Variants in NFIA observed in about 807,000 individuals in gnomAD.
NFIA encodes nuclear factor I A.
NFIA carries 8 observed loss-of-function variants against 62.8 expected under a neutral mutation model. That is an observed-to-expected ratio of 0.13 (90% CI 0.07 to 0.23). The LOEUF (loss-of-function observed/expected upper bound fraction) is 0.23, where lower values mean the gene tolerates loss of function less well. Among genes scored for constraint, NFIA ranks in the 10% least tolerant of loss-of-function variants. The pLI, the probability that NFIA is intolerant of heterozygous loss-of-function variation, is 1.00. For missense variants in NFIA, 410 were observed against 642.1 expected, an observed-to-expected ratio of 0.64 and a Z score of 3.91; for synonymous variants, 235 against 238.1, an observed-to-expected ratio of 0.99 and a Z score of 0.12.
At chr1:61,331,391 T>C (rs1661291217) in intron 3 of NFIA, among the ~76,000 whole-genome samples, 1 of 152,220 alleles carries the variant, frequency 6.6e-6, no homozygotes, top group Admixed American at 6.5e-5. Context: ...AGTAAATTTA[T>C]TGGTGGATAT....
intron 2 of NFIA, among the ~76,000 whole-genome samples, chr1:61,139,995 C>A (rs1389312563): frequency 1.3e-5 from 2 of 151,626 alleles, no homozygotes; most frequent in East Asian, 3.9e-4. Context: ...TGGTAGAAAT[C>A]CAGACATTGG....
At chr1:61,267,892 G>T (rs902771857) in intron 2 of NFIA, among the ~76,000 whole-genome samples, 1 of 152,246 alleles carries the variant, frequency 6.6e-6, no homozygotes, top group South Asian at 2.1e-4. Context: ...GGTATACAGG[G>T]TGAAAGGCAC....
At chr1:61,374,999 C>T (rs539560484) in intron 6 of NFIA, among the ~76,000 whole-genome samples, 3 of 152,188 alleles carry the variant, frequency 2.0e-5, no homozygotes, top group Admixed American at 6.5e-5. Flanking sequence ...GTGTCTTCAA[C>T]GACCTCCTTG....
intron 6 of NFIA, among the ~76,000 whole-genome samples, chr1:61,374,855 A>G (rs925469738): frequency 7.9e-5 from 12 of 152,204 alleles, no homozygotes; most frequent in Non-Finnish European, 1.3e-4. Flanking sequence ...AAACATTTTT[A>G]TTGACTGAAA....
chr1:61,251,275 A>G (rs574911166), intron 2 of NFIA: 1 of 152,322 alleles, frequency 6.6e-6, no homozygotes, highest in African/African-American at 2.4e-5. Context: ...TACTACGTAC[A>G]TACACACACC....
intron 3 of NFIA, among the ~76,000 whole-genome samples, chr1:61,316,233 G>T (rs2782543): frequency 0.52 from 78,585 of 151,974 alleles, 22,570 homozygotes; most frequent in South Asian, 0.69. Context: ...TTGGGTAAGG[G>T]TGAGGAGTAG....
intron 1 of NFIA, 141 bp downstream of exon 1, chr1:61,082,959 T>G: frequency 2.9e-6 from 1 of 341,382 alleles, no homozygotes; most frequent in Non-Finnish European, 4.1e-6. Flanking sequence ...TGCGCGTGTT[T>G]CTGTGTGTGT....
chr1:61,406,061 A>G (rs1000835691), intron 8 of NFIA, among the ~76,000 whole-genome samples: 1 of 152,182 alleles, frequency 6.6e-6, no homozygotes, highest in Non-Finnish European at 1.5e-5. Flanking sequence ...AAAATAAAAT[A>G]TTACTTTTTT....
In NFIA at chr1:61,107,821, G is replaced by A. The variant is rs534734582; in HGVS notation, c.559+19141G>A. Among the ~76,000 whole-genome samples, 82 of 151,488 alleles carry A rather than the reference G, an allele frequency of 5.4e-4. 1 individual carries two copies. The highest frequency in any genetic ancestry group is 1.7e-3 in the African/African-American group (69 of 41,456). On this transcript the variant is annotated intron_variant, in intron 2 of 10. Coordinates refer to ENST00000403491, the MANE Select transcript of NFIA (RefSeq NM_001134673.4). ...CTCACATTAGGTTTGTATTCCATCC[G>A]GAATTTGTGTATGGTGTGAGGTAGG...
chr1:61,366,492 G>A (rs1663595602), intron 6 of NFIA, among the ~76,000 whole-genome samples: 1 of 152,166 alleles, frequency 6.6e-6, no homozygotes, highest in Admixed American at 6.5e-5. Flanking sequence ...CCAACATGTT[G>A]AAAGTTTCAA....
In NFIA at chr1:61,197,693, AG is replaced by A. The variant is rs200044274; in HGVS notation, c.560-79826del. Among the ~76,000 whole-genome samples the A allele has an allele frequency of 4.7e-4, 71 of 152,122 alleles. 2 individuals carry two copies. In the East Asian group the frequency reaches 1.0e-2, roughly 21 times the overall value. On this transcript the variant is annotated intron_variant, in intron 2 of 10. Coordinates refer to ENST00000403491, the MANE Select transcript of NFIA (RefSeq NM_001134673.4). ...AGTCAAGGGCTTGCTTAGAAACAGC[AG>A]ACGTAGGCATGGCGCGGTGGCTCAT...
intron 2 of NFIA, among the ~76,000 whole-genome samples, chr1:61,117,706 C>T (rs1056685156): frequency 6.6e-6 from 1 of 152,142 alleles, no homozygotes; most frequent in African/African-American, 2.4e-5. Context: ...TCCTGACAGA[C>T]TGCAGTTTAT....
chr1:61,240,431 C>T (rs1206466618), intron 2 of NFIA, among the ~76,000 whole-genome samples: 1 of 151,906 alleles, frequency 6.6e-6, no homozygotes, highest in East Asian at 1.9e-4. Flanking sequence ...ATTCTTTAGG[C>T]TTTATCACCG....
intron 2 of NFIA, among the ~76,000 whole-genome samples, chr1:61,142,058 T>A (rs1043591159): frequency 6.6e-6 from 1 of 152,090 alleles, no homozygotes; most frequent in African/African-American, 2.4e-5. Context: ...GGCAATTCAG[T>A]TTTGGGCCTT....
chr1:61,106,164 C>T (rs1226898166), intron 2 of NFIA, among the ~76,000 whole-genome samples: 2 of 150,566 alleles, frequency 1.3e-5, no homozygotes, highest in East Asian at 2.0e-4. Flanking sequence ...ATATATATTT[C>T]TTCATATATA....
Position 61,441,331 on chromosome 1 carries a change from G to GTGTGTGTGTC in NFIA, c.1513-13969_1513-13968insGTGTGTCTGT, listed in dbSNP as rs1360188951. Among the ~76,000 whole-genome samples, 183 of 142,430 alleles carry GTGTGTGTGTC rather than the reference G, an allele frequency of 1.3e-3. No homozygotes were observed. The East Asian group carries it at 0.019, about 15-fold the overall frequency. The allele number at this position is 142,430 out of a possible 152,430, so 93.4% of individuals were successfully genotyped here. ...TGTGTGTGTGTGTGTGTGTGTGTGT[G>GTGTGTGTGTC]TGTCTGTCTGTCTGTCTGTCTGTGT... On this transcript the variant is annotated intron_variant, in intron 10 of 10. Coordinates refer to ENST00000403491, the MANE Select transcript of NFIA (RefSeq NM_001134673.4).
chr1:61,215,828 G>A (rs333146), intron 2 of NFIA, among the ~76,000 whole-genome samples: 24,648 of 152,106 alleles, frequency 0.16, 2,075 homozygotes, highest in African/African-American at 0.2. Context: ...GTGACTCAGC[G>A]TCAGATTCTG....
intron 2 of NFIA, among the ~76,000 whole-genome samples, chr1:61,247,762 A>G (rs1655744843): frequency 6.6e-6 from 1 of 152,078 alleles, no homozygotes; most frequent in Non-Finnish European, 1.5e-5. Context: ...TGCAGCCATC[A>G]TTATTTCACA....
intron 3 of NFIA, among the ~76,000 whole-genome samples, chr1:61,300,274 A>C (rs1170157704): frequency 6.6e-6 from 1 of 152,132 alleles, no homozygotes; most frequent in East Asian, 1.9e-4. Context: ...TTATCTCATG[A>C]GGTACCTGAC....
Sources: gnomAD v4.1 joint callset for allele counts (sites outside exome capture counted in the v4.1 genomes callset) on GRCh38, gnomAD v4.1.1 for gene constraint, MANE v1.5 for transcripts, NCBI Gene and HGNC (gene_info 2026-07-23, HGNC 2026-07-21) for gene names.